KIF26B: variants seen among roughly 807,000 people sequenced by gnomAD.
The protein encoded by KIF26B is kinesin family member 26B, also known as kinesin-like protein KIF26B.
KIF26B carries 63 observed loss-of-function variants against 151.2 expected under a neutral mutation model. The observed-to-expected ratio is 0.42, with a 90% CI of 0.34 to 0.51. KIF26B has a LOEUF of 0.51. Among genes scored for constraint, KIF26B ranks in the 20% least tolerant of loss-of-function variants. The pLI, the probability that KIF26B is intolerant of heterozygous loss-of-function variation, is 0.07. For synonymous variants in KIF26B, 1,357 were observed against 1,262.1 expected, an observed-to-expected ratio of 1.08 and a Z score of -1.59; for missense variants, 2,813 against 2,913.6, an observed-to-expected ratio of 0.97 and a Z score of 0.79.
At chr1:245,242,603 G>A (rs1558358563) in intron 2 of KIF26B, among the ~76,000 whole-genome samples, 1 of 152,158 alleles carries the variant, frequency 6.6e-6, no homozygotes, top group Admixed American at 6.5e-5. Flanking sequence ...CACATGTATA[G>A]TATTAGCAGC....
intron 4 of KIF26B, among the ~76,000 whole-genome samples, chr1:245,492,944 C>A (rs1404127155): frequency 6.6e-6 from 1 of 152,044 alleles, no homozygotes. Flanking sequence ...CCACATCTGG[C>A]TAATTTTTAT....
At chr1:245,548,792 A>G (rs533021720) in intron 5 of KIF26B, among the ~76,000 whole-genome samples, 14 of 150,664 alleles carry the variant, frequency 9.3e-5, no homozygotes, top group Admixed American at 2.6e-4. Flanking sequence ...TGCCCAGGCT[A>G]GAGTGCAATG....
At position 245,239,229 on chromosome 1, in the gene KIF26B, C is replaced by T. The variant is rs959061813; in HGVS notation, c.465+82546C>T. ...AATGCCTCCATGTTCTTCCGTCATC[C>T]GTGCAGATATCAGGCTGCAGTCCCG... is the stretch of plus-strand genomic sequence containing the variant. On this transcript the variant is annotated intron_variant, in intron 2 of 14. Transcript: ENST00000407071. This position sits in a 1 kb window ranked among gnomAD's most constrained non-coding sequence, Gnocchi z 4.3. 7.9e-5 allele frequency among the ~76,000 whole-genome samples: 12 copies of T among 152,116 alleles called. No individual in the cohort carries two copies. The highest frequency in any genetic ancestry group is 2.7e-4 in the African/African-American group (11 of 41,420).
chr1:245,672,439 T>G (rs2044299942), intron 10 of KIF26B, among the ~76,000 whole-genome samples: 1 of 152,186 alleles, frequency 6.6e-6, no homozygotes, highest in Non-Finnish European at 1.5e-5. Context: ...CAAACCAGTC[T>G]GAATCCCTCC....
chr1:245,691,809 C>T (rs1284398486), intron 12 of KIF26B, among the ~76,000 whole-genome samples: 3 of 152,166 alleles, frequency 2.0e-5, no homozygotes, highest in South Asian at 2.1e-4. Context: ...ACAGCAGAAA[C>T]GACCAAATAT....
At chr1:245,513,351 C>T (rs770873742) in intron 4 of KIF26B, among the ~76,000 whole-genome samples, 1 of 151,720 alleles carries the variant, frequency 6.6e-6, no homozygotes, top group African/African-American at 2.4e-5. Flanking sequence ...TGATTGACAT[C>T]GGGAAAACTG....
intron 2 of KIF26B, among the ~76,000 whole-genome samples, chr1:245,267,569 C>T (rs1347947167): frequency 1.3e-5 from 2 of 151,354 alleles, no homozygotes; most frequent in Admixed American, 6.6e-5. Flanking sequence ...TGTGATAGCT[C>T]TGCTCAGCCA....
intron 2 of KIF26B, among the ~76,000 whole-genome samples, chr1:245,262,348 G>A (rs1670661838): frequency 1.3e-5 from 2 of 152,240 alleles, no homozygotes; most frequent in South Asian, 4.1e-4. Flanking sequence ...GACATTGGAA[G>A]ACATGGGGCG....
intron 2 of KIF26B, among the ~76,000 whole-genome samples, chr1:245,288,575 G>T (rs1244536659): frequency 6.6e-6 from 1 of 152,230 alleles, no homozygotes; most frequent in African/African-American, 2.4e-5. Context: ...TTGCCTGACT[G>T]TGGTGGGCCG....
intron 10 of KIF26B, among the ~76,000 whole-genome samples, chr1:245,657,417 G>C (rs952545001): frequency 6.6e-6 from 1 of 152,180 alleles, no homozygotes; most frequent in Non-Finnish European, 1.5e-5. Context: ...CATATCCACT[G>C]TTTCCTTCCG....
intron 12 of KIF26B, among the ~76,000 whole-genome samples, 179 bp downstream of exon 12, chr1:245,688,986 C>T (rs531795275): frequency 1.1e-3 from 163 of 151,944 alleles, no homozygotes; most frequent in African/African-American, 3.7e-3. Flanking sequence ...GGGGAGGGGG[C>T]GTCCAGGCCT....
intron 2 of KIF26B, among the ~76,000 whole-genome samples, chr1:245,190,923 G>A (rs934351361): frequency 2.6e-5 from 4 of 151,264 alleles, no homozygotes; most frequent in Non-Finnish European, 5.9e-5. Context: ...AGCCGGTGTG[G>A]TGGCAGGTGC....
At chr1:245,605,686 A>C (rs905712358) in intron 6 of KIF26B, among the ~76,000 whole-genome samples, 1 of 152,044 alleles carries the variant, frequency 6.6e-6, no homozygotes, top group East Asian at 1.9e-4. Context: ...AGAAGGCTGC[A>C]TGCCTCTCCA....
chr1:245,474,332 T>A (rs1659982862), intron 4 of KIF26B, among the ~76,000 whole-genome samples: 1 of 151,106 alleles, frequency 6.6e-6, no homozygotes, highest in Non-Finnish European at 1.5e-5. Context: ...ATGGTCTTGA[T>A]CTCCTGACCT....
intron 2 of KIF26B, among the ~76,000 whole-genome samples, chr1:245,263,943 T>A (rs1239662531): frequency 6.6e-6 from 1 of 152,230 alleles, no homozygotes; most frequent in Non-Finnish European, 1.5e-5. Context: ...TCCCTCAGGA[T>A]CTTCAGCAGT....
intron 4 of KIF26B, among the ~76,000 whole-genome samples, chr1:245,458,530 C>T (rs1362644695): frequency 1.3e-5 from 2 of 152,182 alleles, no homozygotes; most frequent in Non-Finnish European, 2.9e-5. Context: ...CTCCCTCCTT[C>T]CCTGTGTATT....
intron 4 of KIF26B, among the ~76,000 whole-genome samples, chr1:245,477,209 T>C (rs951551751): frequency 2.0e-4 from 31 of 151,922 alleles, no homozygotes; most frequent in African/African-American, 7.5e-4. Context: ...ATTTCTCTTT[T>C]CTAAATAAAA....
chr1:245,337,316 C>T (rs1361093105), intron 2 of KIF26B, among the ~76,000 whole-genome samples: 2 of 151,904 alleles, frequency 1.3e-5, no homozygotes. Flanking sequence ...GGATTACAGG[C>T]ACCCCCAACC....
chr1:245,394,622 C>G (rs1673778769), intron 3 of KIF26B, among the ~76,000 whole-genome samples: 3 of 148,472 alleles, frequency 2.0e-5, no homozygotes, highest in Non-Finnish European at 4.4e-5. Context: ...GACTCTGTCT[C>G]AAGAAATAAA....
Sources: allele counts gnomAD v4.1 joint callset (sites outside exome capture counted in the v4.1 genomes callset), GRCh38; gene constraint gnomAD v4.1.1; non-coding constraint Gnocchi (gnomAD v3.1); transcripts MANE v1.5; gene names NCBI Gene and HGNC (gene_info 2026-07-23, HGNC 2026-07-21).